Variants in PIGF observed in about 807,000 individuals in gnomAD.
The protein encoded by PIGF is GPI ethanolamine phosphate transferase, stabilizing subunit.
PIGF carries 23 observed loss-of-function variants against 26.0 expected under a neutral mutation model. The ratio of observed to expected loss-of-function variants is 0.88; its 90% CI spans 0.64 to 1.25. PIGF has a LOEUF of 1.25. Ranked by LOEUF, PIGF falls within the 50% of genes most tolerant of loss-of-function variation. The pLI, the probability that PIGF is intolerant of heterozygous loss-of-function variation, is 0.00. For missense variants in PIGF, 278 were observed against 249.9 expected, an observed-to-expected ratio of 1.11 and a Z score of -0.76; for synonymous variants, 93 against 92.6, an observed-to-expected ratio of 1.00 and a Z score of -0.03.
intron 3 of PIGF, among the ~76,000 whole-genome samples, chr2:46,613,469 A>G (rs1466272042): frequency 1.3e-5 from 2 of 152,120 alleles, no homozygotes; most frequent in African/African-American, 2.4e-5. Context: ...CCCTTCTCTC[A>G]ACATGCAATT....
At chr2:46,594,239 A>G (rs1018734146) in intron 4 of PIGF, among the ~76,000 whole-genome samples, 1 of 152,246 alleles carries the variant, frequency 6.6e-6, no homozygotes, top group African/African-American at 2.4e-5. Flanking sequence ...AATGATGACT[A>G]AGCTTCAACT....
At chr2:46,583,902 G>A (rs999315764) in intron 5 of PIGF, among the ~76,000 whole-genome samples, 1 of 152,128 alleles carries the variant, frequency 6.6e-6, no homozygotes, top group African/African-American at 2.4e-5. Flanking sequence ...TAGAGAATTA[G>A]TTCTAAAGTT....
At chr2:46,609,643 T>G (rs1001479830) in intron 4 of PIGF, among the ~76,000 whole-genome samples, 1 of 152,100 alleles carries the variant, frequency 6.6e-6, no homozygotes, top group Non-Finnish European at 1.5e-5. Flanking sequence ...ATAGTATGGT[T>G]ATTAACTGGC....
chr2:46,601,032 TACAA>T (rs1416614745), intron 4 of PIGF, among the ~76,000 whole-genome samples: 1 of 152,002 alleles, frequency 6.6e-6, no homozygotes, highest in Non-Finnish European at 1.5e-5. Context: ...GAATTTTTAC[TACAA>T]ACATTTATAT....
At chr2:46,591,677 T>A (rs1462119253) in intron 5 of PIGF, 1 of 1,048,136 alleles carries the variant, frequency 9.5e-7, no homozygotes, top group Admixed American at 4.6e-5. Context: ...AATGGCATAC[T>A]ACAAAGTCAT....
intron 5 of PIGF, chr2:46,591,557 A>C (rs1039848330): frequency 1.1e-6 from 1 of 936,830 alleles, no homozygotes; most frequent in African/African-American, 1.8e-5. Context: ...AGAAAAATTC[A>C]AGAAGCTATA....
At chr2:46,594,943 C>A (rs1372689230) in intron 4 of PIGF, among the ~76,000 whole-genome samples, 1 of 151,760 alleles carries the variant, frequency 6.6e-6, no homozygotes, top group East Asian at 1.9e-4. Context: ...GTCCGCCTCC[C>A]GGATTCAAGG....
At chr2:46,613,671 T>A in intron 3 of PIGF, 23 bp downstream of exon 3, 1 of 1,471,430 alleles carries the variant, frequency 6.8e-7, no homozygotes, top group South Asian at 1.3e-5. Context: ...AATATAAATT[T>A]AGGGTAAAAA....
rs1670572683 is a variant in PIGF at position 46,615,184 on chromosome 2, AG to A, written c.-21del. 8.4e-7 allele frequency: 1 copy of A among 1,194,350 alleles called. No homozygotes were observed. 74.0% of individuals were successfully genotyped at this position (1,194,350 alleles called of 1,614,324 possible). A position where few individuals can be genotyped will look rare whatever the true frequency, so the allele number is the denominator to read the frequency against. On this transcript the variant is annotated splice_region_variant and 5_prime_UTR_variant, in exon 2 of 6. Coordinates refer to ENST00000281382, the MANE Select transcript of PIGF (RefSeq NM_002643.4). ...TTTCATGGTGTTTTCTTGGATGGCT[AG>A]CTAACAAAAAACAAGAAAAGAAGAG...
At chr2:46,602,747 G>C (rs2104110810) in intron 4 of PIGF, among the ~76,000 whole-genome samples, 1 of 151,934 alleles carries the variant, frequency 6.6e-6, no homozygotes, top group Non-Finnish European at 1.5e-5. Context: ...TTTAATTTCT[G>C]TTCTAAATTA....
At chr2:46,605,818 T>C (rs1346393261) in intron 4 of PIGF, among the ~76,000 whole-genome samples, 2 of 152,176 alleles carry the variant, frequency 1.3e-5, no homozygotes, top group East Asian at 1.9e-4. Context: ...GTTCTTCATC[T>C]AGAAAATGGT....
chr2:46,589,209 C>A lies in PIGF; in HGVS notation c.546+3266G>T, dbSNP rs1324235083. Among the ~76,000 whole-genome samples, 1 of 152,008 alleles carries A rather than the reference C, an allele frequency of 6.6e-6. No individual in the cohort carries two copies. Among genetic ancestry groups the A allele is most frequent in the Non-Finnish European group, 1.5e-5 (1 of 67,926 alleles). On this transcript the variant is annotated intron_variant, in intron 5 of 5. Transcript: ENST00000281382. This position sits in a 1 kb window ranked among gnomAD's most constrained non-coding sequence, Gnocchi z 4.7. ...GCTGCCTTCTACAAAAGAAAGGCTTCCTCCAACTATAAAGATGCCTAATCT... is the reference window on the plus strand; with the variant it reads ...GCTGCCTTCTACAAAAGAAAGGCTTACTCCAACTATAAAGATGCCTAATCT...
chr2:46,588,334 A>C lies in PIGF; in HGVS notation c.546+4141T>G, dbSNP rs1164711901. 2.2e-6 allele frequency: 2 copies of C among 923,014 alleles called. No homozygotes were observed. The highest frequency in any genetic ancestry group is 2.8e-5 in the Admixed American group (1 of 35,584). 57.2% of individuals were successfully genotyped at this position (923,014 alleles called of 1,614,324 possible). ...AAAACAACAAACTGAGACAATTAAC[A>C]TATTCTCTAATATATGAGAACTCAA... On this transcript the variant is annotated intron_variant, in intron 5 of 5. Transcript: ENST00000281382. The surrounding 1 kb of genome is among the most constrained non-coding windows in gnomAD (Gnocchi z 4.1).
intron 4 of PIGF, among the ~76,000 whole-genome samples, chr2:46,601,802 T>G (rs1356027602): frequency 6.6e-6 from 1 of 152,032 alleles, no homozygotes; most frequent in African/African-American, 2.4e-5. Context: ...TATCTTTGTC[T>G]ACACAAATAG....
intron 5 of PIGF, chr2:46,582,125 G>A (rs1358953539): frequency 6.5e-6 from 1 of 153,712 alleles, no homozygotes; most frequent in East Asian, 1.9e-4. Flanking sequence ...AGAAGTTATA[G>A]AGCGACAACT....
In PIGF at chr2:46,589,790, G is replaced by C. The variant is rs189839784; in HGVS notation, c.546+2685C>G. Among the ~76,000 whole-genome samples, 5 of 151,600 alleles carry C rather than the reference G, an allele frequency of 3.3e-5. No homozygotes were observed. The East Asian group carries it at 9.7e-4, about 29-fold the overall frequency. On this transcript the variant is annotated intron_variant, in intron 5 of 5. Transcript: ENST00000281382. This position sits in a 1 kb window ranked among gnomAD's most constrained non-coding sequence, Gnocchi z 4.7. ...CCTTATCTGATTTATTGCTTCTCTG[G>C]GAGATGCTGTTCTGTGGAGTTAGAA...
intron 4 of PIGF, among the ~76,000 whole-genome samples, chr2:46,606,022 T>C (rs977125985): frequency 6.6e-6 from 1 of 152,196 alleles, no homozygotes; most frequent in Non-Finnish European, 1.5e-5. Flanking sequence ...TGTTGGAAAT[T>C]TTAGGACAAC....
chr2:46,590,529 A>AAT (rs550413852), intron 5 of PIGF, among the ~76,000 whole-genome samples: 76 of 1,448 alleles, frequency 0.052, no homozygotes, highest in South Asian at 0.42. Context: ...TCATATACAA[A>AAT]ATGATTATTA....
At chr2:46,605,638 A>C (rs981861836) in intron 4 of PIGF, among the ~76,000 whole-genome samples, 10 of 152,150 alleles carry the variant, frequency 6.6e-5, no homozygotes, top group Admixed American at 5.9e-4. Context: ...AGCTTGTCTA[A>C]GATCACTTGG....
Sources: allele counts gnomAD v4.1 joint callset (sites outside exome capture counted in the v4.1 genomes callset), GRCh38; gene constraint gnomAD v4.1.1; non-coding constraint Gnocchi (gnomAD v3.1); transcripts MANE v1.5; gene names NCBI Gene and HGNC (gene_info 2026-07-23, HGNC 2026-07-21).